The following NPAS3 variants were observed in gnomAD, a reference collection of about 807,000 sequenced individuals.
NPAS3 encodes neuronal PAS domain-containing protein 3.
Under a neutral mutation model 73.1 loss-of-function variants are expected in NPAS3, and 14 were observed. The ratio of observed to expected loss-of-function variants is 0.19; its 90% CI spans 0.13 to 0.30. The LOEUF (loss-of-function observed/expected upper bound fraction) is 0.30. Among genes scored for constraint, NPAS3 ranks in the 10% least tolerant of loss-of-function variants. The pLI, the probability that NPAS3 is intolerant of heterozygous loss-of-function variation, is 1.00. For synonymous variants in NPAS3, 620 were observed against 541.5 expected, an observed-to-expected ratio of 1.14 and a Z score of -2.01; for missense variants, 1,096 against 1,250.0, an observed-to-expected ratio of 0.88 and a Z score of 1.86.
At chr14:33,767,128 A>G (rs1312933200) in intron 7 of NPAS3, among the ~76,000 whole-genome samples, 15 of 151,994 alleles carry the variant, frequency 9.9e-5, no homozygotes, top group Admixed American at 9.8e-4. Context: ...TTTTATTGGT[A>G]TTTGTTTTTT....
At chr14:33,794,499 G>C (rs1038633947) in intron 10 of NPAS3, among the ~76,000 whole-genome samples, 8 of 152,088 alleles carry the variant, frequency 5.3e-5, no homozygotes, top group African/African-American at 1.9e-4. Flanking sequence ...TCTTCCCTTT[G>C]ATGCCCTTAG....
intron 2 of NPAS3, among the ~76,000 whole-genome samples, chr14:33,145,226 A>C (rs1056204595): frequency 1.6e-4 from 24 of 152,304 alleles, no homozygotes; most frequent in African/African-American, 5.8e-4. Context: ...TATATGTATG[A>C]AAATTTTTCT....
At chr14:33,044,737 A>T (rs905235987) in intron 1 of NPAS3, among the ~76,000 whole-genome samples, 4 of 151,974 alleles carry the variant, frequency 2.6e-5, no homozygotes, top group African/African-American at 9.7e-5. Context: ...AGATGAGAAC[A>T]GTGGGCTCTG....
At chr14:33,331,461 A>G (rs1048557540) in intron 3 of NPAS3, among the ~76,000 whole-genome samples, 4 of 152,218 alleles carry the variant, frequency 2.6e-5, no homozygotes, top group Admixed American at 6.5e-5. Flanking sequence ...CCATTGGACT[A>G]TGAGAACAGC....
At chr14:33,773,261 C>T (rs923090618) in intron 7 of NPAS3, among the ~76,000 whole-genome samples, 17 of 152,192 alleles carry the variant, frequency 1.1e-4, no homozygotes, top group African/African-American at 3.4e-4. Flanking sequence ...GCATTTGGAG[C>T]GGCAAAGCAC....
intron 4 of NPAS3, among the ~76,000 whole-genome samples, chr14:33,393,867 T>C (rs2138646870): frequency 6.6e-6 from 1 of 152,320 alleles, no homozygotes; most frequent in East Asian, 1.9e-4. Context: ...GACGTCATTT[T>C]TGAATCTTTG....
At chr14:33,636,503 G>C (rs1039158133) in intron 5 of NPAS3, among the ~76,000 whole-genome samples, 2 of 152,138 alleles carry the variant, frequency 1.3e-5, no homozygotes, top group African/African-American at 4.8e-5. Context: ...CACTCCAAGG[G>C]CATGTCAGGA....
chr14:33,703,904 C>T (rs1025223735), intron 6 of NPAS3, among the ~76,000 whole-genome samples: 3 of 152,168 alleles, frequency 2.0e-5, no homozygotes, highest in African/African-American at 7.2e-5. Context: ...GACCCCAGAG[C>T]CCATGTTCTC....
chr14:33,252,282 A>G (rs761133343), intron 3 of NPAS3, among the ~76,000 whole-genome samples: 3 of 151,924 alleles, frequency 2.0e-5, no homozygotes, highest in Non-Finnish European at 4.4e-5. Context: ...TGAGTCTGCA[A>G]GTTACTCAGA....
At chr14:33,690,629 G>A (rs2060209377) in intron 6 of NPAS3, among the ~76,000 whole-genome samples, 1 of 151,970 alleles carries the variant, frequency 6.6e-6, no homozygotes, top group African/African-American at 2.4e-5. Flanking sequence ...AAATAAAAGA[G>A]AACATGTAAA....
At chr14:33,569,492 T>C (rs1162118550) in intron 5 of NPAS3, among the ~76,000 whole-genome samples, 1 of 152,180 alleles carries the variant, frequency 6.6e-6, no homozygotes, top group African/African-American at 2.4e-5. Context: ...GTTTAGATTT[T>C]CATCTAGGTT....
At chr14:32,991,752 A>G (rs1452664168) in intron 1 of NPAS3, among the ~76,000 whole-genome samples, 1 of 152,214 alleles carries the variant, frequency 6.6e-6, no homozygotes, top group African/African-American at 2.4e-5. Flanking sequence ...GGTTAAAAAA[A>G]TATGATTGCA....
At chr14:33,193,750 C>G (rs1009892562) in intron 2 of NPAS3, among the ~76,000 whole-genome samples, 1 of 152,098 alleles carries the variant, frequency 6.6e-6, no homozygotes, top group African/African-American at 2.4e-5. Flanking sequence ...AATTTCACAC[C>G]ATCTCTGTGT....
At chr14:33,524,866 C>T (rs1158052134) in intron 4 of NPAS3, among the ~76,000 whole-genome samples, 3 of 152,072 alleles carry the variant, frequency 2.0e-5, no homozygotes, top group Non-Finnish European at 2.9e-5. Flanking sequence ...TGTCATTCAC[C>T]GTGTGTGTCC....
intron 5 of NPAS3, among the ~76,000 whole-genome samples, chr14:33,609,114 C>T (rs930565868): frequency 5.9e-5 from 9 of 152,152 alleles, no homozygotes; most frequent in African/African-American, 1.9e-4. Flanking sequence ...CTTTCCCTGC[C>T]TGCAAACTAA....
intron 4 of NPAS3, among the ~76,000 whole-genome samples, chr14:33,374,708 G>GT (rs1566844501): frequency 1.3e-5 from 2 of 148,684 alleles, no homozygotes; most frequent in African/African-American, 2.5e-5. Flanking sequence ...TCGGGGCGGG[G>GT]GGGGGAGTAG....
intron 5 of NPAS3, among the ~76,000 whole-genome samples, chr14:33,613,566 A>G (rs1378708508): frequency 1.3e-5 from 2 of 151,930 alleles, no homozygotes; most frequent in Non-Finnish European, 2.9e-5. Context: ...CTATTTCAGC[A>G]TGGTCTCCTG....
chr14:33,513,566 G>A (rs2053159618), intron 4 of NPAS3, among the ~76,000 whole-genome samples: 1 of 151,974 alleles, frequency 6.6e-6, no homozygotes, highest in East Asian at 1.9e-4. Context: ...ACCTTAGGGA[G>A]GTCAAGTAAC....
intron 3 of NPAS3, among the ~76,000 whole-genome samples, chr14:33,289,504 T>G (rs1054553321): frequency 6.6e-6 from 1 of 152,138 alleles, no homozygotes; most frequent in Non-Finnish European, 1.5e-5. Flanking sequence ...TTGGCCCTTT[T>G]AAAACCTGAA....
Sources: gnomAD v4.1 joint callset for allele counts (sites outside exome capture counted in the v4.1 genomes callset) on GRCh38, gnomAD v4.1.1 for gene constraint, MANE v1.5 for transcripts, NCBI Gene and HGNC (gene_info 2026-07-23, HGNC 2026-07-21) for gene names.